Variants in ENTHD1 observed in about 807,000 individuals in gnomAD.
ENTHD1 encodes ENTH domain containing 1.
A neutral mutation model predicts 39.1 loss-of-function variants in ENTHD1; 23 were observed. The ratio of observed to expected loss-of-function variants is 0.59; its 90% CI spans 0.42 to 0.83. The LOEUF is 0.83. Ranked by LOEUF, ENTHD1 falls within the 40% of genes least tolerant of loss-of-function variation. The probability of loss-of-function intolerance (pLI) is 0.00; values close to 1 mark genes in which losing one functional copy is unlikely to be tolerated. For synonymous variants in ENTHD1, 230 were observed against 258.2 expected, an observed-to-expected ratio of 0.89 and a Z score of 1.05; for missense variants, 624 against 705.4, an observed-to-expected ratio of 0.88 and a Z score of 1.31.
chr22:39,887,601 G>A lies in ENTHD1; in HGVS notation c.148C>T (p.Leu50Phe), dbSNP rs903210208. ...CACAGCATATTCATAATCTCTGAGA[G>A]AGAAATTGTGTTGAAAGTCAAGTCA... is the stretch of plus-strand genomic sequence containing the variant. ...ISDLTFNTIS[L>F]SEIMNMLWHR... Residue 50 changes from leucine to phenylalanine, a missense_variant, in exon 2 of 7, where the codon CTC (leucine) becomes TTC (phenylalanine). Transcript: ENST00000325157. The A allele has an allele frequency of 1.9e-6, 3 of 1,614,188 alleles. No individual in the cohort carries two copies. Among genetic ancestry groups the A allele is most frequent in the Non-Finnish European group, 2.5e-6 (3 of 1,180,042 alleles).
intron 5 of ENTHD1, among the ~76,000 whole-genome samples, chr22:39,780,568 A>T (rs117258185): frequency 6.6e-6 from 1 of 152,124 alleles, no homozygotes; most frequent in Non-Finnish European, 1.5e-5. Flanking sequence ...GAGTGGGAGT[A>T]GTTATACTTA....
intron 5 of ENTHD1, among the ~76,000 whole-genome samples, chr22:39,794,198 G>A (rs1222865430): frequency 6.6e-6 from 1 of 151,944 alleles, no homozygotes; most frequent in East Asian, 1.9e-4. Context: ...ATACTCCTAG[G>A]TATTTTATTT....
chr22:39,891,766 G>A (rs994992709), intron 1 of ENTHD1, among the ~76,000 whole-genome samples: 3 of 151,764 alleles, frequency 2.0e-5, no homozygotes, highest in Admixed American at 2.0e-4. Flanking sequence ...CTGCAGCCAT[G>A]AGCCACCAAG....
Position 39,756,287 on chromosome 22 carries a change from G to C in ENTHD1, c.1219+8936C>G, listed in dbSNP as rs28497087. Among the ~76,000 whole-genome samples the C allele has an allele frequency of 4.1e-3, 587 of 144,422 alleles. 4 individuals are homozygous for C. Among genetic ancestry groups the C allele is most frequent in the African/African-American group, 0.014 (546 of 38,278 alleles). The allele number at this position is 144,422 out of a possible 152,430, so 94.7% of individuals were successfully genotyped here. A position where few individuals can be genotyped will look rare whatever the true frequency, so the allele number is the denominator to read the frequency against. ...TGTTGTTAAACCTATCAATGTCTCT[G>C]TCTCTCTCTCTCTCTCTCTCTCTCT... is the stretch of plus-strand genomic sequence containing the variant. On this transcript the variant is annotated intron_variant, in intron 6 of 6. Transcript: ENST00000325157.
At chr22:39,744,367 C>A in intron 6 of ENTHD1, 84 bp from the exon 7 acceptor site, 1 of 1,306,374 alleles carries the variant, frequency 7.7e-7, no homozygotes, top group Non-Finnish European at 1.0e-6. Flanking sequence ...ATGTAAAAGC[C>A]TATCTGGAAG....
chr22:39,892,722 A>T (rs185369968), intron 1 of ENTHD1, among the ~76,000 whole-genome samples: 18 of 152,348 alleles, frequency 1.2e-4, no homozygotes, highest in African/African-American at 4.3e-4. Flanking sequence ...CTATCTCTGA[A>T]AAGATGCATT....
chr22:39,801,599 C>A (rs1457183795), intron 5 of ENTHD1, among the ~76,000 whole-genome samples: 3 of 152,212 alleles, frequency 2.0e-5, no homozygotes, highest in Middle Eastern at 3.2e-3. Flanking sequence ...TCCTCTAAAG[C>A]ATCATATTCT....
chr22:39,826,323 T>C (rs1485027282), intron 4 of ENTHD1, among the ~76,000 whole-genome samples: 1 of 152,182 alleles, frequency 6.6e-6, no homozygotes, highest in Non-Finnish European at 1.5e-5. Context: ...TCAACTTTTA[T>C]TGTTTTTTAA....
intron 5 of ENTHD1, among the ~76,000 whole-genome samples, chr22:39,809,757 G>A (rs2065671477): frequency 1.3e-5 from 2 of 152,196 alleles, no homozygotes; most frequent in Admixed American, 6.5e-5. Flanking sequence ...CAGGGATGGT[G>A]CAATGGAATT....
intron 6 of ENTHD1, among the ~76,000 whole-genome samples, chr22:39,751,551 C>G (rs749134578): frequency 6.6e-6 from 1 of 152,152 alleles, no homozygotes; most frequent in Non-Finnish European, 1.5e-5. Context: ...AAAAGCTGAA[C>G]ACATACTTTG....
At chr22:39,754,943 C>CT (rs2065173655) in intron 6 of ENTHD1, among the ~76,000 whole-genome samples, 1 of 152,230 alleles carries the variant, frequency 6.6e-6, no homozygotes, top group Non-Finnish European at 1.5e-5. Context: ...CTTCTATCAT[C>CT]TGTCTGGCTT....
At chr22:39,767,950 T>A (rs1334657227) in intron 5 of ENTHD1, among the ~76,000 whole-genome samples, 2 of 152,252 alleles carry the variant, frequency 1.3e-5, no homozygotes, top group Non-Finnish European at 2.9e-5. Context: ...AATCTTTTGG[T>A]TGCTTGGACT....
intron 5 of ENTHD1, among the ~76,000 whole-genome samples, chr22:39,812,019 A>C (rs1335554209): frequency 5.8e-5 from 7 of 120,574 alleles, no homozygotes; most frequent in African/African-American, 1.1e-4. Flanking sequence ...AACAAACAAA[A>C]AAAAAACGAC....
intron 5 of ENTHD1, among the ~76,000 whole-genome samples, chr22:39,810,788 T>C (rs1274186633): frequency 6.6e-6 from 1 of 152,238 alleles, no homozygotes; most frequent in Non-Finnish European, 1.5e-5. Flanking sequence ...ATCTATAGTA[T>C]ATAGGTGTCA....
chr22:39,888,520 C>T (rs896989941), intron 1 of ENTHD1, among the ~76,000 whole-genome samples: 1 of 151,906 alleles, frequency 6.6e-6, no homozygotes, highest in African/African-American at 2.4e-5. Flanking sequence ...CTCTGCCACC[C>T]GGGTTCAAGC....
At chr22:39,748,299 AC>A (rs1243703706) in intron 6 of ENTHD1, among the ~76,000 whole-genome samples, 1 of 152,164 alleles carries the variant, frequency 6.6e-6, no homozygotes, top group African/African-American at 2.4e-5. Flanking sequence ...CTGTTAAAGT[AC>A]TAAGAAAAGA....
Position 39,887,407 on chromosome 22 carries a change from T to C in ENTHD1, c.342A>G (p.Lys114=). 3.7e-6 allele frequency: 6 copies of C among 1,605,264 alleles called. No individual in the cohort carries two copies. Among genetic ancestry groups the C allele is most frequent in the Non-Finnish European group, 5.1e-6 (6 of 1,175,906 alleles). ...AACTTCTTTAACCATTACCTTGGTC[T>C]TTTCCAGCTTCATCTATGTGCTGAA... is the stretch of plus-strand genomic sequence containing the variant. ...KDFQHIDEAG[K]DQGYYIREKS... is the part of the protein sequence containing the mutation. The change falls in exon 2 of 7, where the codon AAA becomes AAG. Residue 114 remains lysine (K), a synonymous_variant. Transcript: ENST00000325157.
At chr22:39,822,097 A>G (rs116909307) in intron 4 of ENTHD1, among the ~76,000 whole-genome samples, 2,055 of 152,238 alleles carry the variant, frequency 0.013, 19 homozygotes, top group Middle Eastern at 0.021. Context: ...AACTGTTCAT[A>G]TTTCCAACTT....
intron 6 of ENTHD1, among the ~76,000 whole-genome samples, chr22:39,753,784 T>C (rs1258504202): frequency 6.6e-6 from 1 of 152,196 alleles, no homozygotes; most frequent in African/African-American, 2.4e-5. Flanking sequence ...CCCTAGAACA[T>C]GTCATCACTC....
Sources: allele counts gnomAD v4.1 joint callset (sites outside exome capture counted in the v4.1 genomes callset), GRCh38; gene constraint gnomAD v4.1.1; transcripts MANE v1.5; gene names NCBI Gene and HGNC (gene_info 2026-07-23, HGNC 2026-07-21).